The following RNF130 variants were observed in gnomAD, a reference collection of about 807,000 sequenced individuals.
The protein encoded by RNF130 is E3 ubiquitin-protein ligase RNF130.
In RNF130, 21 loss-of-function variants were observed where a neutral mutation model predicts 44.6. The observed-to-expected ratio is 0.47, with a 90% CI of 0.33 to 0.68. The LOEUF is 0.68. Among genes scored for constraint, RNF130 ranks in the 30% least tolerant of loss-of-function variants. The pLI, the probability that RNF130 is intolerant of heterozygous loss-of-function variation, is 0.02. For missense variants in RNF130, 479 were observed against 560.6 expected (o/e 0.85, Z 1.47); for synonymous variants, 214 against 210.4 (o/e 1.02, Z -0.15).
intron 1 of RNF130, among the ~76,000 whole-genome samples, chr5:180,052,794 G>C (rs1334053330): frequency 6.6e-6 from 1 of 152,138 alleles, no homozygotes; most frequent in African/African-American, 2.4e-5. Flanking sequence ...TACAGAAAAA[G>C]AAAGACTGAG....
intron 1 of RNF130, among the ~76,000 whole-genome samples, chr5:180,065,153 T>G (rs1582234824): frequency 6.6e-6 from 1 of 152,058 alleles, no homozygotes; most frequent in Non-Finnish European, 1.5e-5. Flanking sequence ...AAAAAAATCT[T>G]GCAAAGACCT....
intron 3 of RNF130, among the ~76,000 whole-genome samples, chr5:179,983,467 T>C (rs1320224705): frequency 1.3e-5 from 2 of 152,132 alleles, no homozygotes; most frequent in Non-Finnish European, 2.9e-5. Flanking sequence ...TGTGGGTCTA[T>C]GTGCGGACAC....
exon 8 of RNF130, chr5:179,917,190 C>CA (rs34951897): frequency 0.46 from 64,588 of 141,020 alleles, 14,861 homozygotes; most frequent in East Asian, 0.75. Context: ...GACTCCGTCT[C>CA]AAAAAAAAAA....
Position 180,071,607 on chromosome 5 carries a change from C to T in RNF130, c.96G>A (p.Gln32=), listed in dbSNP as rs2113202641. The T allele has an allele frequency of 6.6e-7, 1 of 1,507,766 alleles. No homozygotes were observed. The highest frequency in any genetic ancestry group is 2.7e-5 in the East Asian group (1 of 36,700). 93.4% of individuals were successfully genotyped at this position (1,507,766 alleles called of 1,614,324 possible). A position where few individuals can be genotyped will look rare whatever the true frequency, so the allele number is the denominator to read the frequency against. ...CGTTGATGAGCGCCGTGTAGTACTC[C>T]TGGCTCGCGTTGTCTGCCCGTGCCG... ...LWPARADNAS[Q]EYYTALINVT... is the part of the protein sequence containing the mutation. The change falls in exon 1 of 9, where the codon CAG becomes CAA. Residue 32 remains glutamine (Q), a synonymous_variant. Transcript: ENST00000521389.
In RNF130 at chr5:180,071,461, T is replaced by A; in HGVS notation, c.242A>T (p.His81Leu). 8.0e-7 allele frequency: 1 copy of A among 1,243,076 alleles called. No homozygotes were observed. The highest frequency in any genetic ancestry group is 1.6e-5 in the African/African-American group (1 of 64,364). 77.0% of individuals were successfully genotyped at this position (1,243,076 alleles called of 1,614,324 possible). ...RGQVLAPLPL[H>L]GVADHLGCDP... is the part of the protein sequence containing the mutation. The stretch of plus-strand genomic sequence containing the variant: ...GCCCCCGGGCCGGCACTCACCTCCG[T>A]GGAGGGGCAGCGGCGCCAGCACCTG... The change falls in exon 1 of 9, where the codon CAC (histidine) becomes CTC (leucine). Residue 81 changes from histidine (H) to leucine (L), a missense_variant. His to Leu is a moderately conservative substitution (Grantham distance 99). This residue lies in a region of RNF130 where 138 missense variants were observed against 126.9 expected (regional missense o/e 1.09). Coordinates refer to ENST00000521389, the MANE Select transcript of RNF130 (RefSeq NM_018434.6).
intron 7 of RNF130, among the ~76,000 whole-genome samples, chr5:179,937,080 A>C (rs1352607211): frequency 6.6e-6 from 1 of 152,252 alleles, no homozygotes; most frequent in Non-Finnish European, 1.5e-5. Context: ...CCAATGAAAA[A>C]ACAGACAAAT....
chr5:180,038,344 A>C (rs1275281490), intron 2 of RNF130, among the ~76,000 whole-genome samples: 1 of 149,814 alleles, frequency 6.7e-6, no homozygotes, highest in African/African-American at 2.5e-5. Context: ...TCGTACCACC[A>C]CACTGCATCC....
At chr5:180,065,986 A>G (rs754440088) in intron 1 of RNF130, among the ~76,000 whole-genome samples, 12 of 152,216 alleles carry the variant, frequency 7.9e-5, no homozygotes, top group Non-Finnish European at 1.6e-4. Context: ...TTATTCAATC[A>G]AAAAGGTAAT....
intron 7 of RNF130, among the ~76,000 whole-genome samples, chr5:179,931,032 CAA>C (rs34266288): frequency 0.095 from 7,066 of 74,244 alleles, 118 homozygotes; most frequent in South Asian, 0.14. Context: ...ACCTCTGTCT[CAA>C]AAAAAAAAAA....
At chr5:179,986,895 A>G (rs1762965971) in intron 3 of RNF130, among the ~76,000 whole-genome samples, 1 of 148,410 alleles carries the variant, frequency 6.7e-6, no homozygotes, top group Non-Finnish European at 1.5e-5. Context: ...ATTCTTATGT[A>G]TTTTATTTTT....
At chr5:179,951,726 A>G (rs1376184914), downstream of RNF130, among the ~76,000 whole-genome samples, 1 of 152,206 alleles carries the variant, frequency 6.6e-6, no homozygotes, top group Non-Finnish European at 1.5e-5. Flanking sequence ...TCTCCAACCA[A>G]TAACTGAATT....
At chr5:179,967,102 G>T in intron 6 of RNF130, 92 bp from the exon 7 acceptor site, 1 of 1,149,506 alleles carries the variant, frequency 8.7e-7, no homozygotes. Flanking sequence ...ACGCCCTGTT[G>T]CAAAGACCTT....
intron 7 of RNF130, among the ~76,000 whole-genome samples, chr5:179,935,192 A>G (rs779208426): frequency 1.6e-4 from 25 of 152,204 alleles, no homozygotes; most frequent in Non-Finnish European, 4.4e-5. Flanking sequence ...TTTATAACTT[A>G]ATTCCGCTGG....
chr5:179,978,332 T>C, intron 4 of RNF130, 47 bp from the exon 5 acceptor site: 1 of 1,283,400 alleles, frequency 7.8e-7, no homozygotes, highest in Non-Finnish European at 1.1e-6. Flanking sequence ...TGCAAGTATA[T>C]AAATGGTTGG....
rs79132122 is a variant in RNF130 at position 180,058,954 on chromosome 5, T to C, written c.247+12502A>G. Among the ~76,000 whole-genome samples the C allele has an allele frequency of 2.3e-3, 349 of 152,250 alleles. 2 individuals are homozygous for C. The highest frequency in any genetic ancestry group is 8.1e-3 in the African/African-American group (338 of 41,542). ...AAATGTACTTACCATGACTTAACAG[T>C]TAGATGGTCAATTTATACGTTATTT... On this transcript the variant is annotated intron_variant, in intron 1 of 8. Coordinates refer to ENST00000521389, the MANE Select transcript of RNF130 (RefSeq NM_018434.6).
chr5:179,943,037 A>C (rs1761987032), intron 7 of RNF130, among the ~76,000 whole-genome samples: 1 of 152,170 alleles, frequency 6.6e-6, no homozygotes. Flanking sequence ...TCTACTAAAA[A>C]CACAAAAATT....
At chr5:179,963,319 C>T (rs1582144485) in intron 8 of RNF130, 152 bp downstream of exon 8, 2 of 614,738 alleles carry the variant, frequency 3.3e-6, no homozygotes, top group Non-Finnish European at 5.8e-6. Context: ...AAAATATATG[C>T]TCATGAAATA....
intron 1 of RNF130, among the ~76,000 whole-genome samples, chr5:180,041,030 T>C (rs1299764772): frequency 6.6e-6 from 1 of 152,176 alleles, no homozygotes; most frequent in African/African-American, 2.4e-5. Context: ...TTCCTGTTCA[T>C]GTACTAGCCT....
intron 5 of RNF130, among the ~76,000 whole-genome samples, chr5:179,973,166 C>A (rs1010334050): frequency 6.6e-6 from 1 of 152,156 alleles, no homozygotes; most frequent in Non-Finnish European, 1.5e-5. Flanking sequence ...CCAAATTCCC[C>A]GCTAGTCCAG....
Sources: allele counts gnomAD v4.1 joint callset (sites outside exome capture counted in the v4.1 genomes callset), GRCh38; gene constraint gnomAD v4.1.1; regional missense constraint gnomAD v4.1.1; transcripts MANE v1.5; gene names NCBI Gene and HGNC (gene_info 2026-07-23, HGNC 2026-07-21).